UGP2: variants seen among roughly 807,000 people sequenced by gnomAD.
UGP2 encodes the protein UTP--glucose-1-phosphate uridylyltransferase.
Under a neutral mutation model 49.0 loss-of-function variants are expected in UGP2, and 40 were observed. The observed-to-expected ratio is 0.82, with a 90% CI of 0.63 to 1.06. The LOEUF (loss-of-function observed/expected upper bound fraction) is 1.06. Ranked by LOEUF, UGP2 falls within the 50% of genes least tolerant of loss-of-function variation. UGP2 has a pLI of 0.00. For synonymous variants in UGP2, 225 were observed against 213.0 expected, an observed-to-expected ratio of 1.06 and a Z score of -0.49; for missense variants, 460 against 603.5, an observed-to-expected ratio of 0.76 and a Z score of 2.49.
chr2:63,851,305 T>C (rs1669027065), intron 1 of UGP2, among the ~76,000 whole-genome samples: 1 of 152,106 alleles, frequency 6.6e-6, no homozygotes, highest in Non-Finnish European at 1.5e-5. Context: ...CATAATGTAG[T>C]TTTTTCCCCC....
At chr2:63,890,561 C>G (rs1043838065) in intron 9 of UGP2, among the ~76,000 whole-genome samples, 2 of 152,132 alleles carry the variant, frequency 1.3e-5, no homozygotes, top group Admixed American at 6.5e-5. Context: ...ACCAAAGATA[C>G]AATAGCTTTT....
chr2:63,863,863 C>G (rs1670008931), intron 3 of UGP2, among the ~76,000 whole-genome samples: 1 of 152,040 alleles, frequency 6.6e-6, no homozygotes, highest in South Asian at 2.1e-4. Flanking sequence ...TGTGACTAGA[C>G]TAAATATGGA....
chr2:63,857,018 G>A (rs1042943890), intron 2 of UGP2: 6 of 359,386 alleles, frequency 1.7e-5, no homozygotes, highest in Non-Finnish European at 2.2e-5. Context: ...TAAGTGTAGC[G>A]GCCAGGCGCA....
chr2:63,884,993 C>A (rs138983655), intron 5 of UGP2, among the ~76,000 whole-genome samples: 3 of 23,152 alleles, frequency 1.3e-4, no homozygotes, highest in East Asian at 2.9e-3. Flanking sequence ...CCCATGGTTA[C>A]TTTTTTTTTT....
intron 3 of UGP2, among the ~76,000 whole-genome samples, chr2:63,869,880 T>G (rs1397605956): frequency 1.3e-5 from 2 of 152,114 alleles, no homozygotes; most frequent in Non-Finnish European, 2.9e-5. Flanking sequence ...TGTTTTCCTT[T>G]CCATAGTGTT....
intron 1 of UGP2, among the ~76,000 whole-genome samples, chr2:63,848,854 C>T (rs906962232): frequency 6.6e-6 from 1 of 152,210 alleles, no homozygotes; most frequent in African/African-American, 2.4e-5. Flanking sequence ...ATTGGTGATG[C>T]AGGCATCTCC....
intron 1 of UGP2, among the ~76,000 whole-genome samples, chr2:63,847,873 A>G (rs1249218301): frequency 6.6e-6 from 1 of 152,224 alleles, no homozygotes; most frequent in African/African-American, 2.4e-5. Flanking sequence ...TGCAAGTCAC[A>G]GGGGATGCAA....
At chr2:63,873,562 T>C (rs1347932568) in intron 3 of UGP2, among the ~76,000 whole-genome samples, 1 of 152,138 alleles carries the variant, frequency 6.6e-6, no homozygotes, top group East Asian at 1.9e-4. Flanking sequence ...ATAAAGCCTG[T>C]AAATCGCCGG....
intron 4 of UGP2, 86 bp downstream of exon 4, chr2:63,882,737 G>A: frequency 1.5e-6 from 2 of 1,356,528 alleles, no homozygotes; most frequent in Non-Finnish European, 1.9e-6. Flanking sequence ...TGTAGCAGAT[G>A]TGAATTTGAG....
Position 63,885,837 on chromosome 2 carries a change from G to A in UGP2, c.824G>A (p.Arg275His), listed in dbSNP as rs759714880. ...NHLMNPPNGK[R>H]CEFVMEVTNK... ...CTAATGAACCCACCCAATGGAAAAC[G>A]CTGTGAATTTGTCATGGAAGTCACA... The change falls in exon 6 of 10, where the codon CGC becomes CAC. Residue 275 changes from arginine to histidine, a missense_variant. Around this residue, in one of 2 missense-constraint regions of UGP2, gnomAD observed 317 missense variants for 473.0 expected, o/e 0.67. Transcript: ENST00000337130. 1.2e-5 allele frequency: 19 copies of A among 1,599,806 alleles called. No individual in the cohort carries two copies. The highest frequency in any genetic ancestry group is 9.0e-5 in the South Asian group (8 of 88,812).
intron 3 of UGP2, among the ~76,000 whole-genome samples, chr2:63,869,842 T>C (rs955399368): frequency 6.6e-6 from 1 of 152,180 alleles, no homozygotes; most frequent in Non-Finnish European, 1.5e-5. Context: ...CTGTGAGGAC[T>C]CATCCATCAC....
At chr2:63,843,216 A>G (rs1199886249) in intron 1 of UGP2, among the ~76,000 whole-genome samples, 5 of 152,240 alleles carry the variant, frequency 3.3e-5, no homozygotes, top group East Asian at 1.9e-4. Flanking sequence ...AATTTTGTGT[A>G]GTAGATTAAA....
At chr2:63,876,513 GT>G (rs746911865) in intron 3 of UGP2, among the ~76,000 whole-genome samples, 4 of 152,146 alleles carry the variant, frequency 2.6e-5, no homozygotes, top group Non-Finnish European at 5.9e-5. Context: ...CCTTTCCACA[GT>G]TATTCTGAGA....
At chr2:63,878,110 A>G (rs979865865) in intron 3 of UGP2, among the ~76,000 whole-genome samples, 1 of 149,388 alleles carries the variant, frequency 6.7e-6, no homozygotes, top group African/African-American at 2.5e-5. Flanking sequence ...AAGTCCTGCT[A>G]TGTTGGTTTT....
At chr2:63,848,289 G>T (rs1668805907) in intron 1 of UGP2, among the ~76,000 whole-genome samples, 1 of 152,128 alleles carries the variant, frequency 6.6e-6, no homozygotes, top group Non-Finnish European at 1.5e-5. Flanking sequence ...TGAAATTGTG[G>T]CCATCTTGGT....
intron 3 of UGP2, among the ~76,000 whole-genome samples, chr2:63,878,634 G>C (rs1671085206): frequency 6.6e-6 from 1 of 152,202 alleles, no homozygotes; most frequent in African/African-American, 2.4e-5. Flanking sequence ...AGGGTTGGCA[G>C]TCTATTTGTG....
chr2:63,859,680 T>C (rs995140382), intron 3 of UGP2, among the ~76,000 whole-genome samples: 1 of 152,206 alleles, frequency 6.6e-6, no homozygotes, highest in Non-Finnish European at 1.5e-5. Flanking sequence ...GACAAAAGAA[T>C]AGAAATATAA....
At chr2:63,854,988 G>A (rs1412798227) in intron 1 of UGP2, 1 of 153,086 alleles carries the variant, frequency 6.5e-6, no homozygotes, top group East Asian at 1.9e-4. Context: ...ATAGTGACTT[G>A]GGTTCTGTGT....
chr2:63,858,606 T>C (rs1669613839), intron 3 of UGP2, among the ~76,000 whole-genome samples: 1 of 152,164 alleles, frequency 6.6e-6, no homozygotes, highest in Non-Finnish European at 1.5e-5. Flanking sequence ...AAGCTAAAAT[T>C]CCTCTTGGCT....
Sources: allele counts gnomAD v4.1 joint callset (sites outside exome capture counted in the v4.1 genomes callset), GRCh38; gene constraint gnomAD v4.1.1; regional missense constraint gnomAD v4.1.1; transcripts MANE v1.5; gene names NCBI Gene and HGNC (gene_info 2026-07-23, HGNC 2026-07-21).